Variants in CIMIP6 observed in about 807,000 individuals in gnomAD.
CIMIP6 encodes uncharacterized protein C2orf73.
At chr2:54,371,329 G>A in the CIMIP6 span, among the ~76,000 whole-genome samples, 1 of 152,198 alleles carries the variant, frequency 6.6e-6, no homozygotes, top group East Asian at 1.9e-4. Flanking sequence ...CACCACTGGG[G>A]CTGACACCCT....
At chr2:54,359,291 A>T in the CIMIP6 span, among the ~76,000 whole-genome samples, 32 of 152,102 alleles carry the variant, frequency 2.1e-4, no homozygotes, top group South Asian at 6.2e-4. Context: ...CAGGTGGGTG[A>T]GGTGGGAGAG....
the CIMIP6 span, among the ~76,000 whole-genome samples, chr2:54,349,947 T>G: frequency 6.6e-6 from 1 of 151,502 alleles, no homozygotes; most frequent in Admixed American, 6.6e-5. Context: ...TCTCCCGGGC[T>G]CAAGAGATTC....
At chr2:54,370,465 G>A in the CIMIP6 span, among the ~76,000 whole-genome samples, 11 of 151,694 alleles carry the variant, frequency 7.3e-5, no homozygotes, top group East Asian at 1.7e-3. Flanking sequence ...ATGTAAAGAC[G>A]ACTAGTAAAC....
chr2:54,336,119 C>T, the CIMIP6 span, among the ~76,000 whole-genome samples: 16 of 152,166 alleles, frequency 1.1e-4, no homozygotes, highest in Non-Finnish European at 1.8e-4. Flanking sequence ...ATTATTCTAC[C>T]TACCCTTACA....
At chr2:54,343,729 T>TG in the CIMIP6 span, 1 of 1,591,818 alleles carries the variant, frequency 6.3e-7, no homozygotes. Context: ...GGGTGACTGG[T>TG]GGTCACATGG....
chr2:54,334,688 T>C, the CIMIP6 span: 2 of 678,608 alleles, frequency 2.9e-6, no homozygotes, highest in Non-Finnish European at 2.5e-6. Context: ...CACAAACCCT[T>C]ATAACTATTA....
chr2:54,338,967 T>C, the CIMIP6 span, among the ~76,000 whole-genome samples: 1 of 67,730 alleles, frequency 1.5e-5, no homozygotes, highest in South Asian at 3.4e-4. Context: ...CTGGCCAACA[T>C]GGTGAGACCC....
the CIMIP6 span, among the ~76,000 whole-genome samples, chr2:54,356,230 T>C: frequency 6.6e-6 from 1 of 151,900 alleles, no homozygotes; most frequent in Non-Finnish European, 1.5e-5. Flanking sequence ...TGGGGGAATG[T>C]TGGAGGAAGA....
At chr2:54,360,419 A>G in the CIMIP6 span, 7 of 1,602,200 alleles carry the variant, frequency 4.4e-6, no homozygotes, top group African/African-American at 5.4e-5. Flanking sequence ...CTTATCAGAA[A>G]CAGACGTCAG....
the CIMIP6 span, chr2:54,358,967 G>A: frequency 2.0e-6 from 3 of 1,524,122 alleles, no homozygotes; most frequent in Non-Finnish European, 2.7e-6. Flanking sequence ...AGTACCACTT[G>A]CCTCTCCTGG....
At chr2:54,365,436 C>T in the CIMIP6 span, among the ~76,000 whole-genome samples, 1 of 152,012 alleles carries the variant, frequency 6.6e-6, no homozygotes, top group Non-Finnish European at 1.5e-5. Context: ...ACAAAAACTT[C>T]CCAGGAAAGG....
At chr2:54,370,271 A>G in the CIMIP6 span, among the ~76,000 whole-genome samples, 2 of 152,280 alleles carry the variant, frequency 1.3e-5, no homozygotes, top group African/African-American at 4.8e-5. Context: ...AGAGAAAGGA[A>G]AAAGACAAGA....
At chr2:54,341,589 C>T in the CIMIP6 span, among the ~76,000 whole-genome samples, 1 of 152,198 alleles carries the variant, frequency 6.6e-6, no homozygotes, top group African/African-American at 2.4e-5. Flanking sequence ...GCTGGTTTTG[C>T]ATTCCACAGC....
the CIMIP6 span, among the ~76,000 whole-genome samples, chr2:54,333,084 C>T: frequency 4.6e-4 from 70 of 152,274 alleles, no homozygotes; most frequent in South Asian, 0.014. Flanking sequence ...GTTATAATGG[C>T]AGTCCATTTA....
chr2:54,368,228 G>A, the CIMIP6 span, among the ~76,000 whole-genome samples: 1 of 152,138 alleles, frequency 6.6e-6, no homozygotes, highest in Non-Finnish European at 1.5e-5. Context: ...ATTTTGTTGT[G>A]GTAGGAGTTG....
At chr2:54,330,977 T>A in the CIMIP6 span, 1 of 1,613,494 alleles carries the variant, frequency 6.2e-7, no homozygotes. Context: ...TAGAGGCCCA[T>A]GGAGGAAAAG....
the CIMIP6 span, among the ~76,000 whole-genome samples, chr2:54,358,328 G>A: frequency 9.3e-3 from 1,420 of 152,192 alleles, 23 homozygotes; most frequent in African/African-American, 0.032. Context: ...CTTTCTAGTC[G>A]TGAAAAGTTA....
At chr2:54,373,875 A>C in the CIMIP6 span, among the ~76,000 whole-genome samples, 4 of 152,130 alleles carry the variant, frequency 2.6e-5, no homozygotes, top group Admixed American at 2.6e-4. Flanking sequence ...GCAGGGCATC[A>C]TCCTTGGTTT....
chr2:54,365,432 A>G, the CIMIP6 span, among the ~76,000 whole-genome samples: 1 of 152,298 alleles, frequency 6.6e-6, no homozygotes, highest in East Asian at 1.9e-4. Context: ...AAGAACAAAA[A>G]CTTCCCAGGA....
Sources: gnomAD v4.1 joint callset for allele counts (sites outside exome capture counted in the v4.1 genomes callset) on GRCh38, gnomAD v4.1.1 for gene constraint, MANE v1.5 for transcripts, NCBI Gene and HGNC (gene_info 2026-07-23, HGNC 2026-07-21) for gene names.